The following ATP11C variants were observed in gnomAD, a reference collection of about 807,000 sequenced individuals.
ATP11C encodes ATPase phospholipid transporting 11C (ATP11C blood group), also known as phospholipid-transporting ATPase IG.
A neutral mutation model predicts 97.4 loss-of-function variants in ATP11C; 36 were observed. The ratio of observed to expected loss-of-function variants is 0.37; its 90% CI spans 0.28 to 0.49. The LOEUF is 0.49. Ranked by LOEUF, ATP11C falls within the 20% of genes least tolerant of loss-of-function variation. The pLI is 0.98. For missense variants in ATP11C, 730 were observed against 824.6 expected (o/e 0.89, Z 1.40); for synonymous variants, 275 against 290.9 (o/e 0.95, Z 0.56).
In ATP11C at chrX:139,738,038, C is replaced by T; in HGVS notation, c.3166G>A (p.Val1056Ile). ...PFLKQQRMYF[V>I]FAQMLSSVST... ...ACAGAAGACAGCATTTGGGCAAATA[C>T]AAAATACATTCTCTGTTGCTTGAGA... The change falls in exon 28 of 30, where the codon GTA (valine) becomes ATA (isoleucine). Residue 1056 changes from valine (V) to isoleucine (I), a missense_variant. Val to Ile is a conservative substitution (Grantham distance 29). Coordinates refer to ENST00000682941, the MANE Select transcript of ATP11C (RefSeq NM_001353812.2). 8.3e-7 allele frequency: 1 copy of T among 1,202,875 alleles called. No individual in the cohort carries two copies. The highest frequency in any genetic ancestry group is 1.7e-5 in the African/African-American group (1 of 57,309).
rs753169327 is a variant in ATP11C at position 139,787,152 on chromosome X, A to T, written c.1592+21T>A. ...ACTATGGGGTTAAGAAATGACAAAC[A>T]TCAAACACAGAGCTACTTACTCTTC... On this transcript the variant is annotated intron_variant, in intron 15 of 29. Coordinates refer to ENST00000682941, the MANE Select transcript of ATP11C (RefSeq NM_001353812.2). 4.4e-5 allele frequency: 53 copies of T among 1,205,879 alleles called. 1 individual carries two copies. In the South Asian group the frequency reaches 8.7e-4, roughly 20 times the overall value.
Position 139,890,455 on chromosome X carries a change from C to T in ATP11C, c.27+41561G>A, listed in dbSNP as rs746164639. Among the ~76,000 whole-genome samples the T allele has an allele frequency of 7.2e-5, 8 of 111,152 alleles. No homozygotes were observed. The South Asian group carries it at 2.7e-3, about 37-fold the overall frequency. ...GCTGAGGTGGAAGGATCGCTTGAGC[C>T]TAAAAGTTCAAAGCTTCAGTGAGCT... On this transcript the variant is annotated intron_variant, in intron 1 of 29. Coordinates refer to ENST00000682941, the MANE Select transcript of ATP11C (RefSeq NM_001353812.2).
chrX:139,735,963 G>A (rs1365770261), intron 28 of ATP11C, among the ~76,000 whole-genome samples: 2 of 111,548 alleles, frequency 1.8e-5, no homozygotes. Flanking sequence ...ATGAATGATT[G>A]CATGAATGAA....
intron 27 of ATP11C, among the ~76,000 whole-genome samples, chrX:139,739,475 A>G (rs2081511667): frequency 9.0e-6 from 1 of 111,118 alleles, no homozygotes; most frequent in Non-Finnish European, 1.9e-5. Context: ...TTGTGACCAC[A>G]TTCAGCTGAA....
intron 2 of ATP11C, among the ~76,000 whole-genome samples, chrX:139,819,844 A>G (rs2083366090): frequency 8.9e-6 from 1 of 112,127 alleles, no homozygotes; most frequent in African/African-American, 3.2e-5. Flanking sequence ...TGTATTGTTT[A>G]CAATTTTCCC....
At chrX:139,827,562 T>C (rs1249791164) in intron 1 of ATP11C, among the ~76,000 whole-genome samples, 1 of 111,459 alleles carries the variant, frequency 9.0e-6, no homozygotes. Flanking sequence ...CTCTTCACTT[T>C]AATCAGGATA....
chrX:139,750,047 T>C lies in ATP11C; in HGVS notation c.2806A>G (p.Thr936Ala). 6 of 1,203,522 alleles carry C rather than the reference T, an allele frequency of 5.0e-6. No individual in the cohort carries two copies. The highest frequency in any genetic ancestry group is 6.7e-6 in the Non-Finnish European group (6 of 889,805). Residue 936 changes from threonine to alanine, a missense_variant, in exon 24 of 30, where the codon ACC (threonine) becomes GCC (alanine). Thr to Ala is a moderately conservative substitution (Grantham distance 58). Coordinates refer to ENST00000682941, the MANE Select transcript of ATP11C (RefSeq NM_001353812.2). ...TACATATACAATCGGGGATCTGAGG[T>C]CAGAGTGTCAATGTTGATGTGCTGT... Reference protein sequence around the residue: ...LEQHINIDTLTSDPRLYMKIS... With the variant: ...LEQHINIDTLASDPRLYMKIS...
At chrX:139,854,115 G>C (rs2084051399) in intron 1 of ATP11C, among the ~76,000 whole-genome samples, 1 of 111,750 alleles carries the variant, frequency 8.9e-6, no homozygotes, top group Non-Finnish European at 1.9e-5. Flanking sequence ...GGAAACTCTT[G>C]TAAAAGCAGA....
intron 13 of ATP11C, among the ~76,000 whole-genome samples, chrX:139,789,065 T>C (rs746574322): frequency 1.5e-4 from 16 of 110,047 alleles, no homozygotes; most frequent in Non-Finnish European, 2.8e-4. Context: ...TAGCCAGGCA[T>C]GGTGGCAGGC....
chrX:139,930,821 T>C (rs2085420712), intron 1 of ATP11C, among the ~76,000 whole-genome samples: 1 of 112,365 alleles, frequency 8.9e-6, no homozygotes, highest in African/African-American at 3.2e-5. Context: ...TTTTAGCCAG[T>C]GTACACTTGT....
chrX:139,756,533 G>A (rs1010240059), intron 23 of ATP11C, among the ~76,000 whole-genome samples: 15 of 111,605 alleles, frequency 1.3e-4, no homozygotes, highest in African/African-American at 4.6e-4. Flanking sequence ...CACGTTTACT[G>A]CAGCATTCTT....
chrX:139,830,394 T>C (rs1028604542), intron 1 of ATP11C, among the ~76,000 whole-genome samples: 1 of 111,891 alleles, frequency 8.9e-6, no homozygotes, highest in Non-Finnish European at 1.9e-5. Flanking sequence ...TTTAAACAAT[T>C]TGCTTTCCAA....
Position 139,774,845 on chromosome X carries a change from G to T in ATP11C, c.2061C>A (p.Ala687=). 8.3e-7 allele frequency: 1 copy of T among 1,211,783 alleles called. No individual in the cohort carries two copies. The highest frequency in any genetic ancestry group is 3.0e-5 in the East Asian group (1 of 33,848). The part of the protein sequence containing the change: ...KMETAKSTCY[A]CRLFQTNTEL... ...CAGTGTTGGTCTGGAAAAGGCGGCA[G>T]GCATAGCATGTGGATTTAGCTGTCT... The change falls in exon 19 of 30, where the codon GCC becomes GCA. Residue 687 remains alanine, a synonymous_variant. Transcript: ENST00000682941.
chrX:139,802,601 G>A, intron 6 of ATP11C, among the ~76,000 whole-genome samples: 1 of 111,880 alleles, frequency 8.9e-6, no homozygotes, highest in Admixed American at 9.5e-5. Flanking sequence ...GGACAGCTGA[G>A]AGAATTCTAT....
chrX:139,819,039 T>C, intron 3 of ATP11C, among the ~76,000 whole-genome samples: 1 of 111,956 alleles, frequency 8.9e-6, no homozygotes, highest in South Asian at 3.8e-4. Context: ...ATATATTCCA[T>C]TTCATTTAAT....
intron 1 of ATP11C, among the ~76,000 whole-genome samples, chrX:139,829,970 G>A (rs193272793): frequency 2.7e-5 from 3 of 111,526 alleles, no homozygotes; most frequent in Non-Finnish European, 1.9e-5. Flanking sequence ...ATAAAAAAAT[G>A]AAAAGCCATT....
chrX:139,771,103 C>T (rs895134263), intron 19 of ATP11C, among the ~76,000 whole-genome samples: 10 of 111,340 alleles, frequency 9.0e-5, no homozygotes, highest in Non-Finnish European at 1.5e-4. Context: ...ATTGTATCTC[C>T]CAAAACTGCC....
chrX:139,729,083 A>G (rs1400757029), intron 29 of ATP11C, 121 bp from the exon 30 acceptor site: 8 of 488,552 alleles, frequency 1.6e-5, no homozygotes, highest in Non-Finnish European at 2.7e-5. Context: ...TGTCTTAACA[A>G]AGTGCCAAGT....
intron 1 of ATP11C, among the ~76,000 whole-genome samples, chrX:139,909,149 G>C (rs1002223548): frequency 9.0e-6 from 1 of 111,133 alleles, no homozygotes; most frequent in Non-Finnish European, 1.9e-5. Flanking sequence ...GTTTTGTTTT[G>C]AGACAGAGTT....
Sources: gnomAD v4.1 joint callset for allele counts (sites outside exome capture counted in the v4.1 genomes callset) on GRCh38, gnomAD v4.1.1 for gene constraint, MANE v1.5 for transcripts, NCBI Gene and HGNC (gene_info 2026-07-23, HGNC 2026-07-21) for gene names.